Variants in ANKH observed in about 807,000 individuals in gnomAD.
The protein encoded by ANKH is ANKH inorganic pyrophosphate transport regulator, also known as mineralization regulator ANKH.
In ANKH, 15 loss-of-function variants were observed where a neutral mutation model predicts 49.0. The observed-to-expected ratio is 0.31, with a 90% CI of 0.20 to 0.47. The LOEUF is 0.47. Among genes scored for constraint, ANKH ranks in the 20% least tolerant of loss-of-function variants. The pLI, the probability that ANKH is intolerant of heterozygous loss-of-function variation, is 1.00. For missense variants in ANKH, 429 were observed against 652.0 expected (o/e 0.66, Z 3.72); for synonymous variants, 273 against 260.0 (o/e 1.05, Z -0.48).
In ANKH at chr5:14,768,478, T is replaced by C. The variant is rs563174262; in HGVS notation, c.313+497A>G. On this transcript the variant is annotated intron_variant, in intron 2 of 11. Transcript: ENST00000284268. Reference sequence around the variant, plus strand: ...ATGTATGATACAGCTTTCCTGTTGTTTCATGGAAAGAATGCTATCACAAGA... The same window carrying C: ...ATGTATGATACAGCTTTCCTGTTGTCTCATGGAAAGAATGCTATCACAAGA... The C allele has an allele frequency of 2.6e-5, 5 of 193,410 alleles. No homozygotes were observed. In the South Asian group the frequency reaches 4.8e-4, roughly 18 times the overall value. The allele number at this position is 193,410 out of a possible 1,614,324, so 12.0% of individuals were successfully genotyped here.
intron 8 of ANKH, among the ~76,000 whole-genome samples, chr5:14,720,623 T>G (rs1737629136): frequency 6.6e-6 from 1 of 152,266 alleles, no homozygotes; most frequent in Non-Finnish European, 1.5e-5. Flanking sequence ...AAGGGATGAC[T>G]GCCTTACAGT....
chr5:14,785,376 T>A (rs1392126932), intron 1 of ANKH, among the ~76,000 whole-genome samples: 1 of 152,142 alleles, frequency 6.6e-6, no homozygotes, highest in East Asian at 1.9e-4. Context: ...CTTGCTCAAT[T>A]CATGCAAGAT....
At chr5:14,717,167 C>G (rs1737500043) in intron 8 of ANKH, 1 of 334,138 alleles carries the variant, frequency 3.0e-6, no homozygotes, top group South Asian at 3.0e-5. Flanking sequence ...GAGTGCCAAA[C>G]AGCTCAGCCA....
chr5:14,712,725 T>C, intron 11 of ANKH, 149 bp downstream of exon 11: 1 of 787,078 alleles, frequency 1.3e-6, no homozygotes, highest in Non-Finnish European at 2.1e-6. Context: ...CCATTAGGCT[T>C]CCAGCCACCC....
chr5:14,830,197 C>T (rs977527074), intron 1 of ANKH, among the ~76,000 whole-genome samples: 3 of 152,180 alleles, frequency 2.0e-5, no homozygotes, highest in Admixed American at 6.5e-5. Flanking sequence ...GTTACATAGA[C>T]GTCCTTCTGT....
intron 8 of ANKH, among the ~76,000 whole-genome samples, chr5:14,721,555 C>G (rs1737658537): frequency 6.6e-6 from 1 of 152,194 alleles, no homozygotes; most frequent in South Asian, 2.1e-4. Flanking sequence ...CACTTTTCAG[C>G]AAGTTTTTCA....
chr5:14,758,280 G>T (rs1738965519), intron 3 of ANKH, among the ~76,000 whole-genome samples, 200 bp downstream of exon 3: 1 of 152,198 alleles, frequency 6.6e-6, no homozygotes. Context: ...AGGGGGCCGA[G>T]GAGGGTTACT....
At chr5:14,766,000 C>T (rs888977090) in intron 2 of ANKH, among the ~76,000 whole-genome samples, 3 of 152,158 alleles carry the variant, frequency 2.0e-5, no homozygotes, top group Non-Finnish European at 4.4e-5. Context: ...GAGAACATCA[C>T]GTTGGGATGA....
rs1025555558 is a variant in ANKH, at chr5:14,871,533, G to A, written c.-86C>T. On this transcript the variant is annotated 5_prime_UTR_variant, in exon 1 of 12. Transcript: ENST00000284268. ...GCGAGGGGCGACGGGGCGACGGGGC[G>A]AGCGGGGCGCGGGCCGACAGAGGCC... is the stretch of plus-strand genomic sequence containing the variant. The A allele has an allele frequency of 1.9e-6, 2 of 1,055,410 alleles. No homozygotes were observed. The highest frequency in any genetic ancestry group is 2.6e-6 in the Non-Finnish European group (2 of 760,328). 65.4% of individuals were successfully genotyped at this position (1,055,410 alleles called of 1,614,324 possible).
In ANKH at chr5:14,771,944, A is replaced by AAC. The variant is rs1554004789; in HGVS notation, c.97-2754_97-2753insGT. 8.4e-3 allele frequency among the ~76,000 whole-genome samples: 1,202 copies of AAC among 143,778 alleles called. 23 individuals are homozygous for AAC. Among genetic ancestry groups the AAC allele is most frequent in the Non-Finnish European group, 0.014 (894 of 64,556 alleles). 94.3% of individuals were successfully genotyped at this position (143,778 alleles called of 152,430 possible). On this transcript the variant is annotated intron_variant, in intron 1 of 11. Coordinates refer to ENST00000284268, the MANE Select transcript of ANKH (RefSeq NM_054027.6). Reference sequence around the variant, plus strand: ...AAGAAAAAAAAAAAAAAAAAAAAAAAAAACCAAAACAAAACAAAACAAAAA... The same window carrying AAC: ...AAGAAAAAAAAAAAAAAAAAAAAAAAACAAACCAAAACAAAACAAAACAAAAA...
At chr5:14,733,583 G>GA (rs1252064032) in intron 8 of ANKH, among the ~76,000 whole-genome samples, 5 of 152,194 alleles carry the variant, frequency 3.3e-5, no homozygotes, top group African/African-American at 9.7e-5. Flanking sequence ...CATTTAGCAT[G>GA]CAATCAGCTG....
intron 1 of ANKH, among the ~76,000 whole-genome samples, chr5:14,863,090 G>T (rs565120837): frequency 4.2e-4 from 64 of 152,272 alleles, no homozygotes; most frequent in Middle Eastern, 3.4e-3. Context: ...CGGGCATACT[G>T]CACAGCAAGA....
chr5:14,808,952 A>G (rs1740786917), intron 1 of ANKH, among the ~76,000 whole-genome samples: 1 of 87,858 alleles, frequency 1.1e-5, no homozygotes, highest in African/African-American at 4.6e-5. Flanking sequence ...CAACAATGAT[A>G]GACTGGATTA....
intron 1 of ANKH, among the ~76,000 whole-genome samples, chr5:14,814,695 C>G (rs1740980556): frequency 6.6e-6 from 1 of 152,192 alleles, no homozygotes; most frequent in Non-Finnish European, 1.5e-5. Flanking sequence ...ATTCAATAGT[C>G]TGTTTCCAGC....
intron 1 of ANKH, among the ~76,000 whole-genome samples, chr5:14,787,619 TG>T (rs1349090877): frequency 3.9e-5 from 6 of 152,006 alleles, no homozygotes; most frequent in Admixed American, 3.3e-4. Flanking sequence ...TAATTTAAAA[TG>T]AAAAAAAATG....
At chr5:14,757,596 C>T (rs527518485) in intron 3 of ANKH, among the ~76,000 whole-genome samples, 2 of 151,964 alleles carry the variant, frequency 1.3e-5, no homozygotes, top group East Asian at 1.9e-4. Context: ...TGAAACCCTA[C>T]CAGTATGTTC....
At chr5:14,730,139 A>G (rs1263949587) in intron 8 of ANKH, among the ~76,000 whole-genome samples, 1 of 152,004 alleles carries the variant, frequency 6.6e-6, no homozygotes, top group Non-Finnish European at 1.5e-5. Context: ...AACAGCACAC[A>G]AGGAGGGGAC....
At chr5:14,831,536 G>A (rs1017256243) in intron 1 of ANKH, among the ~76,000 whole-genome samples, 2 of 152,180 alleles carry the variant, frequency 1.3e-5, no homozygotes, top group South Asian at 2.1e-4. Context: ...GACGACGGGG[G>A]GCCTTTACTG....
At position 14,802,058 on chromosome 5, in the gene ANKH, C is replaced by T. The variant is rs185439688; in HGVS notation, c.97-32867G>A. Among the ~76,000 whole-genome samples the T allele has an allele frequency of 4.4e-4, 67 of 152,226 alleles. No homozygotes were observed. The East Asian group carries it at 0.012, about 26-fold the overall frequency. On this transcript the variant is annotated intron_variant, in intron 1 of 11. Transcript: ENST00000284268. ...GCAGTTTCAATTCCTTTCTTCCTGT[C>T]GACAGTGCCAACACCGGGTCAATGT...
Sources: allele counts gnomAD v4.1 joint callset (sites outside exome capture counted in the v4.1 genomes callset), GRCh38; gene constraint gnomAD v4.1.1; transcripts MANE v1.5; gene names NCBI Gene and HGNC (gene_info 2026-07-23, HGNC 2026-07-21).